GRIA4: variants seen among roughly 807,000 people sequenced by gnomAD.
GRIA4 encodes glutamate ionotropic receptor AMPA type subunit 4.
In GRIA4, 34 loss-of-function variants were observed where a neutral mutation model predicts 104.0. The ratio of observed to expected loss-of-function variants is 0.33; its 90% CI spans 0.25 to 0.44. The LOEUF is 0.44. Among genes scored for constraint, GRIA4 ranks in the 20% least tolerant of loss-of-function variants. The pLI is 1.00. For missense variants in GRIA4, 750 were observed against 1,096.5 expected (o/e 0.68, Z 4.46); for synonymous variants, 386 against 381.9 (o/e 1.01, Z -0.13).
At chr11:105,785,283 A>G (rs1260872819) in intron 4 of GRIA4, among the ~76,000 whole-genome samples, 2 of 152,226 alleles carry the variant, frequency 1.3e-5, no homozygotes, top group African/African-American at 2.4e-5. Flanking sequence ...TCAATACCAT[A>G]TTGAAAGTGT....
chr11:105,713,920 T>G (rs1954002078), intron 3 of GRIA4, among the ~76,000 whole-genome samples: 1 of 152,194 alleles, frequency 6.6e-6, no homozygotes, highest in Admixed American at 6.6e-5. Flanking sequence ...TGGCAGACTG[T>G]AGACCTTCAG....
intron 3 of GRIA4, among the ~76,000 whole-genome samples, chr11:105,726,048 G>A (rs1954762): frequency 0.47 from 70,857 of 151,716 alleles, 17,372 homozygotes; most frequent in Admixed American, 0.58. Flanking sequence ...AGACAGAACC[G>A]TTCACTCCCC....
chr11:105,763,150 T>C lies in GRIA4; in HGVS notation c.487+9930T>C, dbSNP rs1489154261. On this transcript the variant is annotated intron_variant, in intron 4 of 16. Transcript: ENST00000282499. ...ACTGTTTGAGGAAGGAAAAGAAGGGTCTCAAGAAATATAATTTTCTAGAAG... is the reference window on the plus strand; with the variant it reads ...ACTGTTTGAGGAAGGAAAAGAAGGGCCTCAAGAAATATAATTTTCTAGAAG... Among the ~76,000 whole-genome samples, 4 of 151,970 alleles carry C rather than the reference T, an allele frequency of 2.6e-5. No homozygotes were observed. In the East Asian group the frequency reaches 7.7e-4, roughly 29 times the overall value.
intron 14 of GRIA4, among the ~76,000 whole-genome samples, chr11:105,954,464 T>C (rs1273907460): frequency 2.6e-5 from 4 of 152,114 alleles, no homozygotes; most frequent in Non-Finnish European, 4.4e-5. Flanking sequence ...AAAGAACAAA[T>C]GCAATTTAAG....
chr11:105,674,178 C>A (rs925550166), intron 3 of GRIA4, among the ~76,000 whole-genome samples: 1 of 151,652 alleles, frequency 6.6e-6, no homozygotes, highest in South Asian at 2.1e-4. Flanking sequence ...AACATTCTAC[C>A]GATTTATTAC....
intron 4 of GRIA4, among the ~76,000 whole-genome samples, chr11:105,773,332 A>T (rs1941299211): frequency 6.6e-6 from 1 of 152,156 alleles, no homozygotes; most frequent in Admixed American, 6.6e-5. Flanking sequence ...CAAACAAAAT[A>T]GCAGGTATAT....
At chr11:105,670,024 C>T (rs912984821) in intron 3 of GRIA4, among the ~76,000 whole-genome samples, 3 of 152,040 alleles carry the variant, frequency 2.0e-5, no homozygotes, top group Admixed American at 2.0e-4. Flanking sequence ...GGCTGTCAAA[C>T]CATCGCCTAT....
rs376905936 is a variant in GRIA4, at chr11:105,748,652, G to A, written c.248-4329G>A. ...CCCGCCTTGGCCTCCCAAAGTACTGGGATTACAGGCATGAGCCACCGCGCC... is the reference window on the plus strand; with the variant it reads ...CCCGCCTTGGCCTCCCAAAGTACTGAGATTACAGGCATGAGCCACCGCGCC... On this transcript the variant is annotated intron_variant, in intron 3 of 16. Transcript: ENST00000282499. 1.2e-4 allele frequency among the ~76,000 whole-genome samples: 18 copies of A among 152,156 alleles called. 1 individual carries two copies. The highest frequency in any genetic ancestry group is 4.3e-4 in the African/African-American group (18 of 41,516).
intron 4 of GRIA4, 29 bp downstream of exon 4, chr11:105,753,249 C>A: frequency 6.2e-7 from 1 of 1,603,266 alleles, no homozygotes. Context: ...TCTATTAGAG[C>A]AAAACTCTAA....
chr11:105,722,407 A>G (rs921080915), intron 3 of GRIA4, among the ~76,000 whole-genome samples: 2 of 152,092 alleles, frequency 1.3e-5, no homozygotes, highest in Non-Finnish European at 2.9e-5. Flanking sequence ...TGCATTTTCA[A>G]CTTATGATTT....
chr11:105,658,764 G>A lies in GRIA4; in HGVS notation c.247+46330G>A, dbSNP rs1399601247. ...TTAGGTCTTTGTTGAATTTTTTGAG[G>A]AAATTTCTAAGAGATGTTATTTGTG... On this transcript the variant is annotated intron_variant, in intron 3 of 16. Transcript: ENST00000282499. Among the ~76,000 whole-genome samples the A allele has an allele frequency of 2.6e-5, 4 of 151,750 alleles. No individual in the cohort carries two copies. In the East Asian group the frequency reaches 5.8e-4, roughly 22 times the overall value.
chr11:105,799,917 T>G (rs1487219414), intron 4 of GRIA4, among the ~76,000 whole-genome samples: 2 of 152,122 alleles, frequency 1.3e-5, no homozygotes, highest in African/African-American at 4.8e-5. Context: ...TGTTAAGACG[T>G]AGGCTCAGAG....
intron 3 of GRIA4, among the ~76,000 whole-genome samples, chr11:105,710,391 A>T (rs910041485): frequency 2.0e-5 from 3 of 152,148 alleles, no homozygotes; most frequent in African/African-American, 4.8e-5. Context: ...TTCTGTTCTC[A>T]CATTACATTG....
chr11:105,849,582 A>T (rs953248129), intron 4 of GRIA4, among the ~76,000 whole-genome samples: 5 of 152,252 alleles, frequency 3.3e-5, no homozygotes, highest in African/African-American at 1.2e-4. Flanking sequence ...GCAGCAGCAC[A>T]GCCAAAGTAG....
intron 3 of GRIA4, among the ~76,000 whole-genome samples, chr11:105,630,301 C>T (rs1017107213): frequency 3.3e-5 from 5 of 152,344 alleles, no homozygotes; most frequent in Middle Eastern, 3.4e-3. Flanking sequence ...CACAGTGGCT[C>T]ATGCCTGTAA....
intron 4 of GRIA4, among the ~76,000 whole-genome samples, chr11:105,845,864 C>T (rs1394269888): frequency 1.3e-5 from 2 of 152,104 alleles, no homozygotes; most frequent in Non-Finnish European, 2.9e-5. Context: ...GCACTCCAGC[C>T]TGGGCGACAG....
intron 5 of GRIA4, among the ~76,000 whole-genome samples, chr11:105,876,829 C>T (rs946222516): frequency 6.6e-6 from 1 of 152,144 alleles, no homozygotes; most frequent in Non-Finnish European, 1.5e-5. Context: ...AGATGGGTCG[C>T]TGAATACAGC....
intron 4 of GRIA4, among the ~76,000 whole-genome samples, chr11:105,779,075 G>A (rs1941591045): frequency 6.7e-6 from 1 of 150,350 alleles, no homozygotes; most frequent in South Asian, 2.1e-4. Context: ...TGAGAATGAT[G>A]GTTTCCAGCT....
At chr11:105,849,027 TA>T (rs1944700328) in intron 4 of GRIA4, among the ~76,000 whole-genome samples, 1 of 152,086 alleles carries the variant, frequency 6.6e-6, no homozygotes, top group South Asian at 2.1e-4. Flanking sequence ...CCGTCTCTAC[TA>T]AAAATCCAAA....
Sources: gnomAD v4.1 joint callset for allele counts (sites outside exome capture counted in the v4.1 genomes callset) on GRCh38, gnomAD v4.1.1 for gene constraint, MANE v1.5 for transcripts, NCBI Gene and HGNC (gene_info 2026-07-23, HGNC 2026-07-21) for gene names.